FOXM1: variants seen among roughly 807,000 people sequenced by gnomAD.
The protein encoded by FOXM1 is forkhead box M1.
A neutral mutation model predicts 63.6 loss-of-function variants in FOXM1; 25 were observed. That is an observed-to-expected ratio of 0.39 (90% confidence interval 0.29 to 0.55). The LOEUF is 0.55. Ranked by LOEUF, FOXM1 falls within the 20% of genes least tolerant of loss-of-function variation. The pLI, the probability that FOXM1 is intolerant of heterozygous loss-of-function variation, is 0.60. For synonymous variants in FOXM1, 387 were observed against 376.9 expected (o/e 1.03, Z -0.31); for missense variants, 879 against 958.7 (o/e 0.92, Z 1.10).
chr12:2,867,020 G>A (rs2098124359), intron 4 of FOXM1, among the ~76,000 whole-genome samples: 1 of 152,180 alleles, frequency 6.6e-6, no homozygotes. Flanking sequence ...AGGCATGGTG[G>A]CGCATGCCTT....
rs1189924393 is a variant in FOXM1, at chr12:2,868,546, G to A, written c.846+17C>T. 2 of 1,588,156 alleles carry A rather than the reference G, an allele frequency of 1.3e-6. No individual in the cohort carries two copies. The highest frequency in any genetic ancestry group is 2.3e-5 in the South Asian group (2 of 86,858). ...GGCTGGGCTGACCTTGATTTTGGTT[G>A]CTGTGGGACACATTACCTTCCAGCC... On this transcript the variant is annotated intron_variant, in intron 4 of 8. Coordinates refer to ENST00000359843, the MANE Select transcript of FOXM1 (RefSeq NM_021953.4).
At chr12:2,870,479 A>G (rs1201126984) in intron 3 of FOXM1, among the ~76,000 whole-genome samples, 1 of 152,074 alleles carries the variant, frequency 6.6e-6, no homozygotes, top group Non-Finnish European at 1.5e-5. Context: ...CCTGGCCACC[A>G]TGGTGAAACC....
At position 2,864,331 on chromosome 12, in the gene FOXM1, T is replaced by C. The variant is rs745456647; in HGVS notation, c.1255A>G (p.Ile419Val). The change falls in exon 8 of 9, where the codon ATT (isoleucine) becomes GTT (valine). Residue 419 changes from isoleucine to valine, a missense_variant. Ile to Val is a conservative substitution (Grantham distance 29). Around this residue, in one of 4 missense-constraint regions of FOXM1, gnomAD observed 486 missense variants for 453.5 expected, o/e 1.07. Coordinates refer to ENST00000359843, the MANE Select transcript of FOXM1 (RefSeq NM_021953.4). The surrounding 1 kb of genome is among the most constrained non-coding windows in gnomAD (Gnocchi z 5.1). ...ELARHSKRVR[I>V]APKVLLAEEG... ...AATAGGACACCCACCTTGGGGGCAATGCGGACTCGCTTGCTATGGCGGGCA... is the reference window on the plus strand; with the variant it reads ...AATAGGACACCCACCTTGGGGGCAACGCGGACTCGCTTGCTATGGCGGGCA... 7.0e-5 allele frequency: 113 copies of C among 1,612,356 alleles called. No homozygotes were observed. Among genetic ancestry groups the C allele is most frequent in the Non-Finnish European group, 9.3e-5 (110 of 1,179,052 alleles).
rs1307101469 is a variant in FOXM1 at position 2,872,331 on chromosome 12, C to T, written c.503-84G>A. 17 of 1,453,558 alleles carry T rather than the reference C, an allele frequency of 1.2e-5. No individual in the cohort carries two copies. Among genetic ancestry groups the T allele is most frequent in the African/African-American group, 2.8e-5 (2 of 71,628 alleles). 90.0% of individuals were successfully genotyped at this position (1,453,558 alleles called of 1,614,324 possible). ...CCATCAGAATTGGTGGCTAGCAGGC[C>T]GGGTGCAGTGGCTCACACCTGTAAT... is the stretch of plus-strand genomic sequence containing the variant. On this transcript the variant is annotated intron_variant, in intron 2 of 8. Transcript: ENST00000359843. This position sits in a 1 kb window ranked among gnomAD's most constrained non-coding sequence, Gnocchi z 4.0.
chr12:2,868,707 A>C lies in FOXM1; in HGVS notation c.702T>G (p.Ser234=). The change falls in exon 4 of 9, where the codon TCT becomes TCG. Residue 234 remains serine (S), a synonymous_variant. Transcript: ENST00000359843. Reference sequence around the variant, plus strand: ...CCATGTAAGAGTAGGGTGGCCGCTCAGACACAGAGTTCTGCCAGGACGCTG... The same window carrying C: ...CCATGTAAGAGTAGGGTGGCCGCTCCGACACAGAGTTCTGCCAGGACGCTG... ...RPSASWQNSV[S]ERPPYSYMAM... The C allele has an allele frequency of 6.2e-7, 1 of 1,613,994 alleles. No individual in the cohort carries two copies. The highest frequency in any genetic ancestry group is 2.2e-5 in the East Asian group (1 of 44,884).
rs1425773742 is a variant in FOXM1, at chr12:2,877,082, G to A, written c.-210C>T. ...GTGGGAACCCCGGGGGATCCCGGGA[G>A]GGGAGGGGGTCCCGGGCCGGGGCCG... On this transcript the variant is annotated 5_prime_UTR_variant, in exon 1 of 9. Coordinates refer to ENST00000359843, the MANE Select transcript of FOXM1 (RefSeq NM_021953.4). 1 of 152,152 alleles carries A rather than the reference G, an allele frequency of 6.6e-6. No homozygotes were observed. Among genetic ancestry groups the A allele is most frequent in the Non-Finnish European group, 1.5e-5 (1 of 68,002 alleles). 9.4% of individuals were successfully genotyped at this position (152,152 alleles called of 1,614,324 possible).
Position 2,872,388 on chromosome 12 carries a change from T to C in FOXM1, c.503-141A>G. The stretch of plus-strand genomic sequence containing the variant: ...ACTTTGGGAGGGCGAGGCGGGTGGA[T>C]CTCCTGAGGTCAGGAGTTCAAGACC... On this transcript the variant is annotated intron_variant, in intron 2 of 8. Coordinates refer to ENST00000359843, the MANE Select transcript of FOXM1 (RefSeq NM_021953.4). This position sits in a 1 kb window ranked among gnomAD's most constrained non-coding sequence, Gnocchi z 4.0. 1.3e-6 allele frequency: 1 copy of C among 752,576 alleles called. No homozygotes were observed. Among genetic ancestry groups the C allele is most frequent in the Non-Finnish European group, 2.2e-6 (1 of 464,696 alleles). 46.6% of individuals were successfully genotyped at this position (752,576 alleles called of 1,614,324 possible).
Position 2,872,336 on chromosome 12 carries a change from G to A in FOXM1, c.503-89C>T. 1 of 1,395,506 alleles carries A rather than the reference G, an allele frequency of 7.2e-7. No individual in the cohort carries two copies. Among genetic ancestry groups the A allele is most frequent in the Non-Finnish European group, 1.0e-6 (1 of 996,988 alleles). The allele number at this position is 1,395,506 out of a possible 1,614,324, so 86.4% of individuals were successfully genotyped here. On this transcript the variant is annotated intron_variant, in intron 2 of 8. Transcript: ENST00000359843. The surrounding 1 kb of genome is among the most constrained non-coding windows in gnomAD (Gnocchi z 4.0). The stretch of plus-strand genomic sequence containing the variant: ...AGAATTGGTGGCTAGCAGGCCGGGT[G>A]CAGTGGCTCACACCTGTAATCCTAG...
chr12:2,868,963 G>A (rs2098128318), intron 3 of FOXM1, among the ~76,000 whole-genome samples: 1 of 152,134 alleles, frequency 6.6e-6, no homozygotes, highest in African/African-American at 2.4e-5. Context: ...TAAGAAACTG[G>A]TTTTGTCATC....
Position 2,864,862 on chromosome 12 carries a change from C to T in FOXM1, c.1021-110G>A. ...TGGTGGTGTGTGCTTGAGTTAATGACAGCCCAGAGAGAGGAGGCCAACCTG... is the reference window on the plus strand; with the variant it reads ...TGGTGGTGTGTGCTTGAGTTAATGATAGCCCAGAGAGAGGAGGCCAACCTG... On this transcript the variant is annotated intron_variant, in intron 6 of 8. Coordinates refer to ENST00000359843, the MANE Select transcript of FOXM1 (RefSeq NM_021953.4). This position sits in a 1 kb window ranked among gnomAD's most constrained non-coding sequence, Gnocchi z 5.1. The T allele has an allele frequency of 1.6e-6, 2 of 1,263,996 alleles. No homozygotes were observed. The highest frequency in any genetic ancestry group is 2.3e-6 in the Non-Finnish European group (2 of 867,804). 78.3% of individuals were successfully genotyped at this position (1,263,996 alleles called of 1,614,324 possible).
Position 2,864,579 on chromosome 12 carries a change from G to C in FOXM1, c.1091-84C>G, listed in dbSNP as rs955557378. On this transcript the variant is annotated intron_variant, in intron 7 of 8. Coordinates refer to ENST00000359843, the MANE Select transcript of FOXM1 (RefSeq NM_021953.4). This position sits in a 1 kb window ranked among gnomAD's most constrained non-coding sequence, Gnocchi z 5.1. The stretch of plus-strand genomic sequence containing the variant: ...CCAGGAGCTTTGCTCTCCTTCTCTG[G>C]GCTCAGATCCCTTTGAGGTGGGAAC... 6.3e-6 allele frequency: 10 copies of C among 1,581,414 alleles called. No homozygotes were observed. The highest frequency in any genetic ancestry group is 7.8e-6 in the Non-Finnish European group (9 of 1,152,390).
At position 2,859,509 on chromosome 12, in the gene FOXM1, G is replaced by T; in HGVS notation, c.1421C>A (p.Ala474Glu). The T allele has an allele frequency of 6.2e-7, 1 of 1,613,888 alleles. No homozygotes were observed. The highest frequency in any genetic ancestry group is 8.5e-7 in the Non-Finnish European group (1 of 1,180,000). Residue 474 changes from alanine to glutamate, a missense_variant, in exon 9 of 9, where the codon GCG becomes GAG. By Grantham distance (107) the Ala-to-Glu change is moderately radical. Around this residue, in one of 4 missense-constraint regions of FOXM1, gnomAD observed 486 missense variants for 453.5 expected, o/e 1.07. Coordinates refer to ENST00000359843, the MANE Select transcript of FOXM1 (RefSeq NM_021953.4). ...AGGGCTCTCCACTTTGATGGGTCTC[G>T]CTAAGTGTGGCATTTCCTCCCCAGG... ...IQPGEEMPHLARPIKVESPPL... is the reference protein window; with the variant it reads ...IQPGEEMPHLERPIKVESPPL...
chr12:2,875,765 T>TA, intron 1 of FOXM1, among the ~76,000 whole-genome samples: 2 of 150,192 alleles, frequency 1.3e-5, no homozygotes, highest in African/African-American at 4.9e-5. Flanking sequence ...TTTTTAATTT[T>TA]TTTTTTTTTT....
chr12:2,875,927 AT>A (rs61158737), intron 1 of FOXM1, among the ~76,000 whole-genome samples: 9,672 of 141,462 alleles, frequency 0.068, 1,040 homozygotes, highest in African/African-American at 0.22. Context: ...TGCCCAGCTA[AT>A]TTTTTTTTTT....
chr12:2,862,884 T>C (rs2098116545), intron 8 of FOXM1, among the ~76,000 whole-genome samples: 1 of 150,834 alleles, frequency 6.6e-6, no homozygotes, highest in South Asian at 2.1e-4. Context: ...CCCAAGTCGC[T>C]CTAAACTCCA....
In FOXM1 at chr12:2,858,824, TG is replaced by T; in HGVS notation, c.2105del (p.Pro702GlnfsTer17). ...CAGAAACCTGTGGCTCCGGGGAGCC[TG>T]GCTTGGGGACGTCTATATCTGAGGG... Reference protein sequence around the residue: ...SSPSDIDVPKPGSPEPQVSGL... With the variant: ...SSPSDIDVPKXGSPEPQVSGL... On this transcript the variant is annotated frameshift_variant, in exon 9 of 9. Coordinates refer to ENST00000359843, the MANE Select transcript of FOXM1 (RefSeq NM_021953.4). LOFTEE classifies it high-confidence loss of function. 1 of 1,614,150 alleles carries T rather than the reference TG, an allele frequency of 6.2e-7. No homozygotes were observed. The highest frequency in any genetic ancestry group is 8.5e-7 in the Non-Finnish European group (1 of 1,180,020).
chr12:2,861,330 C>G, intron 8 of FOXM1: 1 of 737,352 alleles, frequency 1.4e-6, no homozygotes, highest in South Asian at 1.5e-5. Flanking sequence ...ATTAAACAAG[C>G]TGGTGATGGG....
intron 8 of FOXM1, among the ~76,000 whole-genome samples, chr12:2,860,594 C>T (rs1178868267): frequency 6.6e-6 from 1 of 152,136 alleles, no homozygotes; most frequent in African/African-American, 2.4e-5. Context: ...TCACAGGGGG[C>T]TGGGTGCGGT....
rs1047447311 is a variant in FOXM1, at chr12:2,864,019, C to T, written c.1266+301G>A. On this transcript the variant is annotated intron_variant, in intron 8 of 8. Coordinates refer to ENST00000359843, the MANE Select transcript of FOXM1 (RefSeq NM_021953.4). The surrounding 1 kb of genome is among the most constrained non-coding windows in gnomAD (Gnocchi z 5.1). Reference sequence around the variant, plus strand: ...AGCGCCCGGCCAAATCCATCTCTTTCTAAGGCCTGCCTCCCTTGTGTATCT... The same window carrying T: ...AGCGCCCGGCCAAATCCATCTCTTTTTAAGGCCTGCCTCCCTTGTGTATCT... 15 of 275,746 alleles carry T rather than the reference C, an allele frequency of 5.4e-5. No individual in the cohort carries two copies. Among genetic ancestry groups the T allele is most frequent in the Non-Finnish European group, 9.1e-5 (13 of 143,520 alleles). The allele number at this position is 275,746 out of a possible 1,614,324, so 17.1% of individuals were successfully genotyped here. A position where few individuals can be genotyped will look rare whatever the true frequency, so the allele number is the denominator to read the frequency against.
Sources: gnomAD v4.1 joint callset for allele counts (sites outside exome capture counted in the v4.1 genomes callset) on GRCh38, gnomAD v4.1.1 for gene constraint, gnomAD v4.1.1 regional missense constraint, Gnocchi (gnomAD v3.1) non-coding constraint, MANE v1.5 for transcripts, NCBI Gene and HGNC (gene_info 2026-07-23, HGNC 2026-07-21) for gene names.